The following GRM7 variants were observed in gnomAD, a reference collection of about 807,000 sequenced individuals.
GRM7 encodes glutamate metabotropic receptor 7, also known as metabotropic glutamate receptor 7.
GRM7 carries 35 observed loss-of-function variants against 84.5 expected under a neutral mutation model. The observed-to-expected ratio is 0.41, with a 90% CI of 0.32 to 0.55. The LOEUF is 0.55. Ranked by LOEUF, GRM7 falls within the 20% of genes least tolerant of loss-of-function variation. GRM7 has a pLI of 0.19. For missense variants in GRM7, 1,003 were observed against 1,194.6 expected, an observed-to-expected ratio of 0.84 and a Z score of 2.36; for synonymous variants, 487 against 455.1, an observed-to-expected ratio of 1.07 and a Z score of -0.89.
In GRM7 at chr3:7,415,007, A is replaced by G; in HGVS notation, c.1034-16A>G. 1 of 1,602,738 alleles carries G rather than the reference A, an allele frequency of 6.2e-7. No homozygotes were observed. The highest frequency in any genetic ancestry group is 1.3e-5 in the African/African-American group (1 of 74,440). ...GTGCCCCGCAAGCAATGACCTTTTC[A>G]TTTAACTCTGTTTAGGGTTTGATGC... On this transcript the variant is annotated splice_polypyrimidine_tract_variant and intron_variant, in intron 4 of 9. Transcript: ENST00000357716.
chr3:6,883,333 A>G (rs1016922423), intron 1 of GRM7, among the ~76,000 whole-genome samples: 6 of 152,100 alleles, frequency 3.9e-5, no homozygotes, highest in African/African-American at 1.4e-4. Context: ...TTTATAAATT[A>G]TAATCTCATG....
chr3:7,233,454 T>A (rs189297374), intron 2 of GRM7, among the ~76,000 whole-genome samples: 6 of 152,262 alleles, frequency 3.9e-5, no homozygotes, highest in Admixed American at 3.3e-4. Context: ...TTGGTTTGAA[T>A]CATGTAAAGT....
chr3:6,980,140 T>C (rs1489325244), intron 1 of GRM7, among the ~76,000 whole-genome samples: 1 of 152,192 alleles, frequency 6.6e-6, no homozygotes, highest in Non-Finnish European at 1.5e-5. Context: ...CCTTCCATTC[T>C]TTCATTCTTT....
At chr3:7,702,449 A>G (rs368577608) in intron 9 of GRM7, among the ~76,000 whole-genome samples, 1 of 152,190 alleles carries the variant, frequency 6.6e-6, no homozygotes. Flanking sequence ...CCTAACCCCT[A>G]TGGCAGATAT....
chr3:7,656,504 A>C (rs951055448), intron 8 of GRM7, among the ~76,000 whole-genome samples: 2 of 103,306 alleles, frequency 1.9e-5, no homozygotes, highest in Non-Finnish European at 4.4e-5. Flanking sequence ...TCAAAAAACA[A>C]ACAAACAAAT....
chr3:7,716,586 T>G (rs1404141587), intron 9 of GRM7, among the ~76,000 whole-genome samples: 1 of 152,162 alleles, frequency 6.6e-6, no homozygotes, highest in Non-Finnish European at 1.5e-5. Flanking sequence ...TTTCATACAG[T>G]GTCACAGAGG....
intron 4 of GRM7, among the ~76,000 whole-genome samples, chr3:7,312,443 G>T (rs1575154383): frequency 6.6e-6 from 1 of 152,204 alleles, no homozygotes; most frequent in East Asian, 1.9e-4. Context: ...GGGACATACT[G>T]CAAGAGCCAT....
At chr3:7,400,088 A>G (rs1202879767) in intron 4 of GRM7, among the ~76,000 whole-genome samples, 3 of 152,164 alleles carry the variant, frequency 2.0e-5, no homozygotes, top group Admixed American at 6.6e-5. Context: ...TTTGTTTTTC[A>G]CATTGAATTG....
At chr3:7,657,404 G>A (rs1699255151) in intron 8 of GRM7, among the ~76,000 whole-genome samples, 1 of 152,202 alleles carries the variant, frequency 6.6e-6, no homozygotes, top group Non-Finnish European at 1.5e-5. Context: ...CACGTGTGAT[G>A]TGCATGTGTT....
intron 4 of GRM7, among the ~76,000 whole-genome samples, chr3:7,308,601 T>C (rs184818890): frequency 1.6e-3 from 239 of 152,228 alleles, no homozygotes; most frequent in African/African-American, 5.4e-3. Flanking sequence ...ACTAAGGAGT[T>C]TGTTACTTTA....
chr3:7,236,633 T>A (rs751350619), intron 2 of GRM7, among the ~76,000 whole-genome samples: 1 of 152,180 alleles, frequency 6.6e-6, no homozygotes, highest in Non-Finnish European at 1.5e-5. Flanking sequence ...ATCCTGCCCA[T>A]AGCAACAAGC....
intron 1 of GRM7, among the ~76,000 whole-genome samples, chr3:7,000,383 C>T (rs1338012041): frequency 6.6e-6 from 1 of 151,990 alleles, no homozygotes; most frequent in African/African-American, 2.4e-5. Flanking sequence ...GACAGGATTT[C>T]ACCACATTGG....
intron 7 of GRM7, among the ~76,000 whole-genome samples, chr3:7,518,834 A>G (rs1446294183): frequency 6.6e-6 from 1 of 152,254 alleles, no homozygotes; most frequent in Non-Finnish European, 1.5e-5. Flanking sequence ...CTAAGTGAAA[A>G]CTAGACCTCT....
At chr3:7,013,821 G>A (rs923668508) in intron 1 of GRM7, among the ~76,000 whole-genome samples, 2 of 151,802 alleles carry the variant, frequency 1.3e-5, no homozygotes, top group Non-Finnish European at 2.9e-5. Flanking sequence ...TGTCTTTCAG[G>A]TCTTTTATTT....
chr3:7,234,001 A>G (rs771797872), intron 2 of GRM7, among the ~76,000 whole-genome samples: 2 of 152,138 alleles, frequency 1.3e-5, no homozygotes, highest in Admixed American at 6.5e-5. Context: ...CTTCCTTCCT[A>G]TAACTGCTAC....
At chr3:6,950,957 C>T (rs1692730593) in intron 1 of GRM7, among the ~76,000 whole-genome samples, 1 of 152,210 alleles carries the variant, frequency 6.6e-6, no homozygotes, top group South Asian at 2.1e-4. Context: ...AGTCTGTCAC[C>T]CCTTTCTTTG....
At chr3:7,018,685 T>G (rs1391094801) in intron 1 of GRM7, among the ~76,000 whole-genome samples, 1 of 152,200 alleles carries the variant, frequency 6.6e-6, no homozygotes, top group Non-Finnish European at 1.5e-5. Context: ...AGGAAATACT[T>G]GCTGCTGCAG....
intron 1 of GRM7, among the ~76,000 whole-genome samples, chr3:6,915,223 C>G (rs1575008941): frequency 6.6e-6 from 1 of 152,208 alleles, no homozygotes; most frequent in South Asian, 2.1e-4. Context: ...AAATACTTTT[C>G]AGAGTGCAAT....
intron 4 of GRM7, among the ~76,000 whole-genome samples, chr3:7,380,367 CCAAAA>C (rs142784124): frequency 0.013 from 2 of 156 alleles, no homozygotes; most frequent in African/African-American, 0.024. Context: ...GTTCAGAGGA[CCAAAA>C]TTTGCTTTCT....
Sources: allele counts gnomAD v4.1 joint callset (sites outside exome capture counted in the v4.1 genomes callset), GRCh38; gene constraint gnomAD v4.1.1; transcripts MANE v1.5; gene names NCBI Gene and HGNC (gene_info 2026-07-23, HGNC 2026-07-21).